AOX1: variants seen among roughly 807,000 people sequenced by gnomAD.
The protein encoded by AOX1 is aldehyde oxidase 1.
A neutral mutation model predicts 169.5 loss-of-function variants in AOX1; 153 were observed. That is an observed-to-expected ratio of 0.90 (90% CI 0.79 to 1.03). The LOEUF (loss-of-function observed/expected upper bound fraction) is 1.03. Among genes scored for constraint, AOX1 ranks in the 50% least tolerant of loss-of-function variants. The pLI is 0.00. For missense variants in AOX1, 1,656 were observed against 1,663.9 expected (o/e 1.00, Z 0.08); for synonymous variants, 562 against 581.9 (o/e 0.97, Z 0.49).
intron 1 of AOX1, among the ~76,000 whole-genome samples, chr2:200,590,246 A>G (rs1034290150): frequency 6.6e-6 from 1 of 152,124 alleles, no homozygotes; most frequent in East Asian, 1.9e-4. Context: ...CTGGCAGTAC[A>G]CAGAGAAAAG....
At chr2:200,669,922 T>C (rs1365207115) in intron 34 of AOX1, among the ~76,000 whole-genome samples, 180 bp downstream of exon 34, 4 of 151,962 alleles carry the variant, frequency 2.6e-5, no homozygotes, top group Non-Finnish European at 4.4e-5. Context: ...ACCCCTCGGG[T>C]TGCATTTTTT....
rs1275084072 is a variant in AOX1 at position 200,671,173 on chromosome 2, G to A, written c.*494G>A. The A allele has an allele frequency of 2.0e-5, 3 of 152,270 alleles. No homozygotes were observed. Among genetic ancestry groups the A allele is most frequent in the Admixed American group, 1.3e-4 (2 of 15,268 alleles). The allele number at this position is 152,270 out of a possible 1,614,324, so 9.4% of individuals were successfully genotyped here. A position where few individuals can be genotyped will look rare whatever the true frequency, so the allele number is the denominator to read the frequency against. On this transcript the variant is annotated 3_prime_UTR_variant, in exon 35 of 35. Transcript: ENST00000374700. ...TAAGTGGGACCAAAGAAAAAATAGC[G>A]AACTTTCACCAAAGTTTTCATGAAA...
At chr2:200,616,853 G>A (rs1056354328) in intron 16 of AOX1, among the ~76,000 whole-genome samples, 5 of 152,166 alleles carry the variant, frequency 3.3e-5, no homozygotes, top group African/African-American at 1.2e-4. Flanking sequence ...GTTGGATTTG[G>A]TTGTGAAAGC....
chr2:200,607,149 A>G (rs1559235413), intron 10 of AOX1, among the ~76,000 whole-genome samples: 1 of 152,204 alleles, frequency 6.6e-6, no homozygotes, highest in African/African-American at 2.4e-5. Context: ...ATTTTGAGAT[A>G]TGATCCATCA....
At chr2:200,602,728 C>T (rs1034738273) in intron 6 of AOX1, among the ~76,000 whole-genome samples, 1 of 152,086 alleles carries the variant, frequency 6.6e-6, no homozygotes, top group African/African-American at 2.4e-5. Context: ...ATTTGCTATC[C>T]CATGTCTTCA....
intron 26 of AOX1, among the ~76,000 whole-genome samples, chr2:200,654,649 A>T (rs1225720145): frequency 6.6e-6 from 1 of 152,220 alleles, no homozygotes; most frequent in Non-Finnish European, 1.5e-5. Context: ...GTAGGAACTC[A>T]AATGTCTGAA....
At chr2:200,639,227 TGA>T (rs2035302811) in intron 23 of AOX1, among the ~76,000 whole-genome samples, 1 of 152,334 alleles carries the variant, frequency 6.6e-6, no homozygotes, top group Non-Finnish European at 1.5e-5. Flanking sequence ...CTACAAACTC[TGA>T]GTCTTCCAGG....
At chr2:200,611,561 TGGTG>T in intron 13 of AOX1, 68 bp downstream of exon 13, 1 of 1,034,728 alleles carries the variant, frequency 9.7e-7, no homozygotes, top group South Asian at 1.3e-5. Flanking sequence ...TTCCAGTATA[TGGTG>T]GAATAAGAAA....
At chr2:200,668,356 G>C (rs1244455453) in intron 32 of AOX1, among the ~76,000 whole-genome samples, 1 of 152,040 alleles carries the variant, frequency 6.6e-6, no homozygotes, top group African/African-American at 2.4e-5. Context: ...TGATCCGCCT[G>C]CCTCGGCCTC....
rs2035029453 is a variant in AOX1 at position 200,627,453 on chromosome 2, A to G, written c.2221+4A>G. ...GTGGTTGATCAAATTCTTGAAGGTA[A>G]AAAGTAATGGAAGAGTAAACAACCC... is the stretch of plus-strand genomic sequence containing the variant. On this transcript the variant is annotated splice_donor_region_variant and intron_variant, in intron 20 of 34. Transcript: ENST00000374700. 4 of 1,598,872 alleles carry G rather than the reference A, an allele frequency of 2.5e-6. No homozygotes were observed. The highest frequency in any genetic ancestry group is 1.3e-5 in the African/African-American group (1 of 74,544).
At chr2:200,645,328 A>T (rs2035430067) in intron 25 of AOX1, among the ~76,000 whole-genome samples, 1 of 152,142 alleles carries the variant, frequency 6.6e-6, no homozygotes, top group Non-Finnish European at 1.5e-5. Context: ...TGAGATGATC[A>T]TGTGATATTT....
chr2:200,670,559 GTTC>G (rs1169651319), intron 34 of AOX1, 67 bp from the exon 35 acceptor site: 10 of 1,361,856 alleles, frequency 7.3e-6, no homozygotes, highest in East Asian at 4.6e-5. Flanking sequence ...CCTACTTTAT[GTTC>G]TTCTATTTTT....
chr2:200,672,125 G>A (rs1485635477), downstream of AOX1, among the ~76,000 whole-genome samples: 1 of 152,152 alleles, frequency 6.6e-6, no homozygotes, highest in Non-Finnish European at 1.5e-5. Flanking sequence ...TAGATTAATG[G>A]CTACCAGAGG....
chr2:200,631,857 A>G (rs2035132590), intron 20 of AOX1, among the ~76,000 whole-genome samples: 2 of 152,242 alleles, frequency 1.3e-5, no homozygotes, highest in South Asian at 4.1e-4. Context: ...TGACAATGAC[A>G]TGGGTCTTTA....
At chr2:200,602,637 G>A (rs2034441276) in intron 6 of AOX1, among the ~76,000 whole-genome samples, 1 of 152,100 alleles carries the variant, frequency 6.6e-6, no homozygotes, top group South Asian at 2.1e-4. Flanking sequence ...CTGGCCTGGT[G>A]TTCCTATAGC....
At chr2:200,604,159 T>C in intron 8 of AOX1, 62 bp downstream of exon 8, 1 of 1,260,734 alleles carries the variant, frequency 7.9e-7, no homozygotes, top group Non-Finnish European at 1.2e-6. Flanking sequence ...AGGAAGGGTA[T>C]TTGTTTATGG....
rs1189258726 is a variant in AOX1 at position 200,593,150 on chromosome 2, T to C, written c.50T>C (p.Ile17Thr). Residue 17 changes from isoleucine to threonine, a missense_variant, in exon 2 of 35, where the codon ATA becomes ACA. Transcript: ENST00000374700. The part of the protein sequence containing the change: ...LLFYVNGRKV[I>T]EKNVDPETML... ...CTTATTTTCCCTTTGGTATAGGTGA[T>C]AGAAAAAAATGTCGATCCTGAAACA... 2 of 1,613,008 alleles carry C rather than the reference T, an allele frequency of 1.2e-6. No homozygotes were observed. Among genetic ancestry groups the C allele is most frequent in the African/African-American group, 1.3e-5 (1 of 74,890 alleles).
At chr2:200,676,136 T>C (rs759095117), downstream of AOX1, among the ~76,000 whole-genome samples, 1 of 152,146 alleles carries the variant, frequency 6.6e-6, no homozygotes, top group Non-Finnish European at 1.5e-5. Flanking sequence ...TTTTGCTTTA[T>C]ATACTTTTAT....
intron 29 of AOX1, among the ~76,000 whole-genome samples, chr2:200,660,961 C>A (rs749820343): frequency 2.8e-4 from 43 of 152,176 alleles, no homozygotes; most frequent in Non-Finnish European, 5.6e-4. Flanking sequence ...TACTCCACCA[C>A]CATGAGATGC....
Sources: gnomAD v4.1 joint callset for allele counts (sites outside exome capture counted in the v4.1 genomes callset) on GRCh38, gnomAD v4.1.1 for gene constraint, MANE v1.5 for transcripts, NCBI Gene and HGNC (gene_info 2026-07-23, HGNC 2026-07-21) for gene names.